ZC3H18: variants seen among roughly 807,000 people sequenced by gnomAD.
ZC3H18 encodes zinc finger CCCH domain-containing protein 18.
In ZC3H18, 8 loss-of-function variants were observed where a neutral mutation model predicts 106.1. The ratio of observed to expected loss-of-function variants is 0.08; its 90% CI spans 0.04 to 0.14. ZC3H18 has a LOEUF of 0.14. ZC3H18 is among the 10% of genes least tolerant of loss of function. The pLI is 1.00. For missense variants in ZC3H18, 1,318 were observed against 1,278.4 expected (o/e 1.03, Z -0.47); for synonymous variants, 635 against 522.1 (o/e 1.22, Z -2.95).
Position 88,577,714 on chromosome 16 carries a change from T to G in ZC3H18, c.591T>G (p.Asp197Glu). The change falls in exon 2 of 18, where the codon GAT (aspartate) becomes GAG (glutamate). Residue 197 changes from aspartate to glutamate, a missense_variant. This residue lies in a region of ZC3H18 where 346 missense variants were observed against 269.0 expected (regional missense o/e 1.29). Coordinates refer to ENST00000301011, the MANE Select transcript of ZC3H18 (RefSeq NM_144604.4). Reference sequence around the variant, plus strand: ...AGGACGATGATGGAGAAATCGATGATGGGGAAATAGACGTGAGTATGATGG... The same window carrying G: ...AGGACGATGATGGAGAAATCGATGAGGGGGAAATAGACGTGAGTATGATGG... ...KKEDDDGEIDDGEIDDDDLEE... is the reference protein window; with the variant it reads ...KKEDDDGEIDEGEIDDDDLEE... 6.2e-7 allele frequency: 1 copy of G among 1,613,180 alleles called. No homozygotes were observed.
At chr16:88,613,851 C>T (rs1046163319) in intron 8 of ZC3H18, among the ~76,000 whole-genome samples, 1 of 152,096 alleles carries the variant, frequency 6.6e-6, no homozygotes, top group Non-Finnish European at 1.5e-5. Flanking sequence ...CTGCCGTGTT[C>T]TCTTCTAAGA....
rs937564638 is a variant in ZC3H18, at chr16:88,623,817, A to G, written c.1794-141A>G. ...CTGTGTTTTTAGCAGATGACAGAAC[A>G]GTCCAGAACTGAAGTTAAAACTGAG... On this transcript the variant is annotated intron_variant, in intron 10 of 17. Transcript: ENST00000301011. 3 of 1,394,880 alleles carry G rather than the reference A, an allele frequency of 2.2e-6. No homozygotes were observed. The African/African-American group carries it at 4.4e-5, about 20-fold the overall frequency. The allele number at this position is 1,394,880 out of a possible 1,614,324, so 86.4% of individuals were successfully genotyped here. A position where few individuals can be genotyped will look rare whatever the true frequency, so the allele number is the denominator to read the frequency against.
In ZC3H18 at chr16:88,577,295, C is replaced by A. The variant is rs955665671; in HGVS notation, c.172C>A (p.Pro58Thr). The A allele has an allele frequency of 2.0e-5, 32 of 1,612,240 alleles. No individual in the cohort carries two copies. The African/African-American group carries it at 3.9e-4, about 20-fold the overall frequency. The change falls in exon 2 of 18, where the codon CCG (proline) becomes ACG (threonine). Residue 58 changes from proline (P) to threonine (T), a missense_variant. Transcript: ENST00000301011. ...GGATGAGGAAAGTGCAGCCAGGGGG[C>A]CGAGCCAGGAGGAGGAAGATAATCA... ...LEDEESAARGPSQEEEDNHSD... is the reference protein window; with the variant it reads ...LEDEESAARGTSQEEEDNHSD...
Position 88,577,409 on chromosome 16 carries a change from C to A in ZC3H18, c.286C>A (p.Pro96Thr). The A allele has an allele frequency of 6.2e-7, 1 of 1,601,264 alleles. No homozygotes were observed. Residue 96 changes from proline (P) to threonine (T), a missense_variant, in exon 2 of 18, where the codon CCC (proline) becomes ACC (threonine). Transcript: ENST00000301011. The part of the protein sequence containing the change: ...NELSRGPTSS[P>T]CEEEGDEGEE... ...GCTGAGCCGGGGCCCGACCAGCTCC[C>A]CCTGCGAGGAGGAGGGGGACGAAGG...
chr16:88,588,756 T>C (rs1266580065), intron 3 of ZC3H18, among the ~76,000 whole-genome samples: 1 of 151,978 alleles, frequency 6.6e-6, no homozygotes, highest in East Asian at 1.9e-4. Flanking sequence ...GGCACGCATG[T>C]GTAGTCCCAG....
At chr16:88,622,610 C>T (rs1906035477) in intron 9 of ZC3H18, 4 of 544,774 alleles carry the variant, frequency 7.3e-6, no homozygotes, top group East Asian at 6.5e-5. Context: ...GGGCACAGAC[C>T]CCGGCGACTG....
intron 3 of ZC3H18, among the ~76,000 whole-genome samples, chr16:88,590,564 C>CTTTCTTTTT (rs1555534142): frequency 9.9e-6 from 1 of 100,672 alleles, no homozygotes; most frequent in Non-Finnish European, 1.9e-5. Flanking sequence ...TTCTTTATTT[C>CTTTCTTTTT]TTTTTTTTTT....
At chr16:88,592,483 TA>T (rs1257431462) in intron 3 of ZC3H18, among the ~76,000 whole-genome samples, 1 of 152,192 alleles carries the variant, frequency 6.6e-6, no homozygotes. Context: ...CATTTTATTT[TA>T]CTTTTGTGAG....
chr16:88,575,770 T>C (rs58814925), intron 1 of ZC3H18, among the ~76,000 whole-genome samples: 30,967 of 151,654 alleles, frequency 0.2, 3,700 homozygotes, highest in South Asian at 0.28. Context: ...CTGAAGCACA[T>C]TGATGCAGTC....
intron 5 of ZC3H18, 137 bp from the exon 6 acceptor site, chr16:88,599,654 C>T (rs1421043433): frequency 3.8e-6 from 4 of 1,046,816 alleles, no homozygotes; most frequent in Non-Finnish European, 5.6e-6. Flanking sequence ...CCGCCCCTCA[C>T]CCCTTGAGCA....
In ZC3H18 at chr16:88,623,363, T is replaced by A. The variant is rs770408006; in HGVS notation, c.1793+19T>A. The A allele has an allele frequency of 1.2e-6, 2 of 1,610,988 alleles. No individual in the cohort carries two copies. Among genetic ancestry groups the A allele is most frequent in the African/African-American group, 1.3e-5 (1 of 74,856 alleles). ...GGTCCAGGTATGTCCCCAGGGCCCA[T>A]GAAGGGCCCTCAGCAGGTGCAGTGA... is the stretch of plus-strand genomic sequence containing the variant. On this transcript the variant is annotated intron_variant, in intron 10 of 17. Transcript: ENST00000301011.
chr16:88,589,142 A>G (rs1285701978), intron 3 of ZC3H18, among the ~76,000 whole-genome samples: 2 of 152,030 alleles, frequency 1.3e-5, no homozygotes, highest in East Asian at 1.9e-4. Flanking sequence ...CTCCAATAAC[A>G]ACAAGTTATT....
At chr16:88,579,158 A>C (rs1301563695) in intron 2 of ZC3H18, among the ~76,000 whole-genome samples, 1 of 152,214 alleles carries the variant, frequency 6.6e-6, no homozygotes, top group Non-Finnish European at 1.5e-5. Flanking sequence ...TGAGAATTTT[A>C]GATGTTTCAT....
intron 11 of ZC3H18, chr16:88,624,315 G>C (rs1169743520): frequency 3.0e-6 from 2 of 656,838 alleles, no homozygotes; most frequent in African/African-American, 3.6e-5. Flanking sequence ...GCAGCAGCCG[G>C]GTGTTCTTAA....
At position 88,598,227 on chromosome 16, in the gene ZC3H18, C is replaced by T. The variant is rs772437106; in HGVS notation, c.738C>T (p.Asn246=). 15 of 1,613,504 alleles carry T rather than the reference C, an allele frequency of 9.3e-6. No homozygotes were observed. Among genetic ancestry groups the T allele is most frequent in the African/African-American group, 2.7e-5 (2 of 74,864 alleles). ...MNCRFIHPGV[N]DKGNYSLITK... is the part of the protein sequence containing the mutation. ...GTAGGTTTATACACCCTGGAGTGAA[C>T]GACAAGGGGAACTACTCCCTAATCA... Residue 246 remains asparagine, a synonymous_variant, in exon 4 of 18, where the codon AAC becomes AAT. Coordinates refer to ENST00000301011, the MANE Select transcript of ZC3H18 (RefSeq NM_144604.4).
At chr16:88,623,793 T>C in intron 10 of ZC3H18, 165 bp from the exon 11 acceptor site, 8 of 1,308,672 alleles carry the variant, frequency 6.1e-6, no homozygotes, top group Non-Finnish European at 8.1e-6. Flanking sequence ...ACTCTGGGCC[T>C]GTGTTTTTAG....
chr16:88,618,449 T>A (rs897200624), intron 8 of ZC3H18, among the ~76,000 whole-genome samples: 1 of 152,260 alleles, frequency 6.6e-6, no homozygotes, highest in African/African-American at 2.4e-5. Context: ...GCTCTTTTGA[T>A]TGAAGAAAGA....
chr16:88,614,042 T>TTG, intron 8 of ZC3H18, among the ~76,000 whole-genome samples: 1 of 152,330 alleles, frequency 6.6e-6, no homozygotes, highest in Non-Finnish European at 1.5e-5. Flanking sequence ...CAGTTCCTTA[T>TTG]TGGGAAACAG....
chr16:88,599,625 A>G (rs926595756), intron 5 of ZC3H18, among the ~76,000 whole-genome samples, 166 bp from the exon 6 acceptor site: 2 of 152,258 alleles, frequency 1.3e-5, no homozygotes, highest in Admixed American at 6.5e-5. Context: ...CCCTCCCCAG[A>G]AGGACAACTG....
Sources: allele counts gnomAD v4.1 joint callset (sites outside exome capture counted in the v4.1 genomes callset), GRCh38; gene constraint gnomAD v4.1.1; regional missense constraint gnomAD v4.1.1; transcripts MANE v1.5; gene names NCBI Gene and HGNC (gene_info 2026-07-23, HGNC 2026-07-21).